The following UGGT2 variants were observed in gnomAD, a reference collection of about 807,000 sequenced individuals.
UGGT2 encodes UDP-glucose:glycoprotein glucosyltransferase 2.
Under a neutral mutation model 192.1 loss-of-function variants are expected in UGGT2, and 180 were observed. The ratio of observed to expected loss-of-function variants is 0.94; its 90% CI spans 0.83 to 1.06. UGGT2 has a LOEUF of 1.06. Ranked by LOEUF, UGGT2 falls within the 50% of genes least tolerant of loss-of-function variation. The pLI is 0.00. For synonymous variants in UGGT2, 580 were observed against 591.0 expected, an observed-to-expected ratio of 0.98 and a Z score of 0.27; for missense variants, 1,849 against 1,795.7, an observed-to-expected ratio of 1.03 and a Z score of -0.54.
At chr13:95,804,430 A>G (rs1025199241) in intron 38 of UGGT2, among the ~76,000 whole-genome samples, 2 of 152,198 alleles carry the variant, frequency 1.3e-5, no homozygotes, top group African/African-American at 4.8e-5. Flanking sequence ...AAAAACCCCA[A>G]TGATGCTTTT....
At chr13:95,925,543 A>G in intron 20 of UGGT2, 137 bp downstream of exon 20, 1 of 590,580 alleles carries the variant, frequency 1.7e-6, no homozygotes, top group Non-Finnish European at 2.7e-6. Context: ...TTTTACATGA[A>G]GACTAAATCT....
intron 4 of UGGT2, among the ~76,000 whole-genome samples, chr13:96,014,434 C>A (rs538483526): frequency 7.9e-5 from 12 of 152,290 alleles, no homozygotes; most frequent in African/African-American, 2.6e-4. Flanking sequence ...ACTGACTCAA[C>A]ATATTCTAAA....
chr13:95,941,952 C>T (rs1053925048), intron 15 of UGGT2, among the ~76,000 whole-genome samples: 6 of 151,966 alleles, frequency 3.9e-5, no homozygotes, highest in Non-Finnish European at 7.4e-5. Context: ...GAGTTTTATG[C>T]GAATACGTAT....
intron 36 of UGGT2, among the ~76,000 whole-genome samples, chr13:95,845,308 GGCAGAGGGCCCTGCCGCCTTCC>G (rs1888283650): frequency 6.8e-6 from 1 of 147,722 alleles, no homozygotes; most frequent in Non-Finnish European, 1.5e-5. Context: ...GGTTTTCCTA[GGCAGAGGGCCCTGCCGCCTTCC>G]GCAGTGTTTG....
At chr13:95,991,183 T>A (rs534709583) in intron 7 of UGGT2, 2 of 214,682 alleles carry the variant, frequency 9.3e-6, no homozygotes, top group East Asian at 1.0e-4. Flanking sequence ...ACAATCAACA[T>A]ACGTGTGCAT....
At chr13:95,959,022 G>A (rs2050303352) in intron 12 of UGGT2, among the ~76,000 whole-genome samples, 1 of 152,166 alleles carries the variant, frequency 6.6e-6, no homozygotes, top group Non-Finnish European at 1.5e-5. Flanking sequence ...ACAAACCCCT[G>A]AGTCCTAAGC....
At position 95,970,251 on chromosome 13, in the gene UGGT2, A is replaced by G; in HGVS notation, c.1196T>C (p.Met399Thr). 6.2e-7 allele frequency: 1 copy of G among 1,610,848 alleles called. No homozygotes were observed. Among genetic ancestry groups the G allele is most frequent in the Non-Finnish European group, 8.5e-7 (1 of 1,178,268 alleles). Reference sequence around the variant, plus strand: ...CATCATTTTTCCTTCTAATTTCAGCATATCCAAAATACTATATATTCAAAG... The same window carrying G: ...CATCATTTTTCCTTCTAATTTCAGCGTATCCAAAATACTATATATTCAAAG... ...DVYDAFSILD[M>T]LKLEGKMMNG... Residue 399 changes from methionine (M) to threonine (T), a missense_variant, in exon 12 of 39, where the codon ATG becomes ACG. Coordinates refer to ENST00000376747, the MANE Select transcript of UGGT2 (RefSeq NM_020121.4).
At chr13:95,883,001 A>C (rs2047537699) in intron 27 of UGGT2, among the ~76,000 whole-genome samples, 1 of 152,130 alleles carries the variant, frequency 6.6e-6, no homozygotes. Context: ...TCATTTGTTA[A>C]GTTTTTCTCA....
chr13:95,817,205 A>G (rs534024002), intron 38 of UGGT2, among the ~76,000 whole-genome samples: 2 of 152,232 alleles, frequency 1.3e-5, no homozygotes, highest in Admixed American at 6.5e-5. Flanking sequence ...ACAAAAAATC[A>G]AAGTGTAACA....
chr13:96,017,055 T>C (rs2139089800), intron 4 of UGGT2, among the ~76,000 whole-genome samples: 1 of 152,320 alleles, frequency 6.6e-6, no homozygotes, highest in South Asian at 2.1e-4. Flanking sequence ...CTGTTACTCT[T>C]TTCTTTTGGC....
intron 4 of UGGT2, among the ~76,000 whole-genome samples, chr13:96,021,638 T>C (rs1016664378): frequency 6.6e-6 from 1 of 152,180 alleles, no homozygotes; most frequent in Non-Finnish European, 1.5e-5. Context: ...CAAATTAAGA[T>C]AATCCCACAC....
intron 17 of UGGT2, 146 bp downstream of exon 17, chr13:95,936,778 T>C: frequency 1.2e-6 from 1 of 818,250 alleles, no homozygotes; most frequent in Non-Finnish European, 1.8e-6. Flanking sequence ...TGGCTTAAGC[T>C]GCTAAAAGTA....
intron 2 of UGGT2, among the ~76,000 whole-genome samples, 173 bp downstream of exon 2, chr13:96,031,716 T>C (rs2052841278): frequency 6.6e-6 from 1 of 152,254 alleles, no homozygotes; most frequent in East Asian, 1.9e-4. Flanking sequence ...CTTGTATTTT[T>C]GGAAACAGAT....
chr13:95,856,554 T>C (rs1889638051), intron 33 of UGGT2: 2 of 511,608 alleles, frequency 3.9e-6, no homozygotes, highest in Non-Finnish European at 6.7e-6. Context: ...ACTATATAAT[T>C]TAACGTCATT....
intron 36 of UGGT2, among the ~76,000 whole-genome samples, chr13:95,845,865 T>C (rs1888374478): frequency 1.5e-5 from 2 of 137,722 alleles, no homozygotes; most frequent in South Asian, 4.8e-4. Context: ...TCCCAGATGA[T>C]GGGCGGCCGG....
chr13:95,995,642 G>T (rs953683119), intron 7 of UGGT2, among the ~76,000 whole-genome samples: 8 of 152,108 alleles, frequency 5.3e-5, no homozygotes, highest in East Asian at 1.9e-4. Flanking sequence ...AGTAGGGAAA[G>T]AATTTAAAGT....
intron 9 of UGGT2, among the ~76,000 whole-genome samples, chr13:95,984,530 A>G (rs816143): frequency 0.36 from 53,909 of 151,686 alleles, 10,384 homozygotes; most frequent in East Asian, 0.46. Flanking sequence ...GAGTCTTCCT[A>G]TGTTGCCCGG....
intron 20 of UGGT2, among the ~76,000 whole-genome samples, chr13:95,924,542 C>T (rs1415504115): frequency 6.6e-6 from 1 of 151,670 alleles, no homozygotes. Context: ...GGTAGCTAGT[C>T]TCCAAGATGG....
At chr13:95,990,094 A>C (rs769766839) in intron 7 of UGGT2, 21 bp from the exon 8 acceptor site, 3 of 1,531,184 alleles carry the variant, frequency 2.0e-6, no homozygotes, top group African/African-American at 1.4e-5. Flanking sequence ...ATATTAAGTG[A>C]TGTTAAGTAG....
Sources: allele counts gnomAD v4.1 joint callset (sites outside exome capture counted in the v4.1 genomes callset), GRCh38; gene constraint gnomAD v4.1.1; transcripts MANE v1.5; gene names NCBI Gene and HGNC (gene_info 2026-07-23, HGNC 2026-07-21).